Variants in RFX4 observed in about 807,000 individuals in gnomAD.
RFX4 encodes transcription factor RFX4.
RFX4 carries 10 observed loss-of-function variants against 95.0 expected under a neutral mutation model. The ratio of observed to expected loss-of-function variants is 0.11; its 90% confidence interval spans 0.06 to 0.18. RFX4 has a LOEUF of 0.18. RFX4 is among the 10% of genes least tolerant of loss of function. The probability of loss-of-function intolerance (pLI) is 1.00; values close to 1 mark genes in which losing one functional copy is unlikely to be tolerated. For synonymous variants in RFX4, 321 were observed against 340.7 expected, an observed-to-expected ratio of 0.94 and a Z score of 0.64; for missense variants, 640 against 922.0, an observed-to-expected ratio of 0.69 and a Z score of 3.96.
intron 13 of RFX4, among the ~76,000 whole-genome samples, chr12:106,724,475 A>T (rs909639303): frequency 1.3e-5 from 2 of 152,248 alleles, no homozygotes; most frequent in Non-Finnish European, 1.5e-5. Flanking sequence ...TGATGGTATT[A>T]ATATTTTTAA....
chr12:106,641,634 G>A (rs569759985), intron 3 of RFX4, among the ~76,000 whole-genome samples: 1 of 152,070 alleles, frequency 6.6e-6, no homozygotes, highest in Admixed American at 6.5e-5. Flanking sequence ...AAGTCACAAG[G>A]TCAGACAGTG....
chr12:106,616,809 G>A (rs2137225710), intron 2 of RFX4, among the ~76,000 whole-genome samples: 1 of 152,264 alleles, frequency 6.6e-6, no homozygotes, highest in Non-Finnish European at 1.5e-5. Context: ...CTCCCAGGCT[G>A]GAGTGCAGTG....
chr12:106,686,268 G>C (rs528739471), intron 5 of RFX4, among the ~76,000 whole-genome samples: 104 of 152,170 alleles, frequency 6.8e-4, no homozygotes, highest in Non-Finnish European at 9.3e-4. Context: ...AATGTTAGCT[G>C]GGTGTGGTGG....
At chr12:106,597,265 G>A (rs1175137969) in intron 1 of RFX4, among the ~76,000 whole-genome samples, 3 of 151,910 alleles carry the variant, frequency 2.0e-5, no homozygotes, top group Admixed American at 6.6e-5. Flanking sequence ...TTAATAGGAA[G>A]GAAATTGAGG....
At chr12:106,683,475 A>AC (rs1295510239) in intron 5 of RFX4, 3 of 146,448 alleles carry the variant, frequency 2.0e-5, no homozygotes, top group African/African-American at 7.4e-5. Flanking sequence ...TGAAAAAAAA[A>AC]AAAAAAAAAA....
chr12:106,616,417 C>T (rs1250872694), intron 2 of RFX4, among the ~76,000 whole-genome samples: 1 of 151,866 alleles, frequency 6.6e-6, no homozygotes, highest in Non-Finnish European at 1.5e-5. Flanking sequence ...AGATTTGTGG[C>T]CTATGATATT....
chr12:106,660,309 C>T (rs958932430), intron 4 of RFX4, among the ~76,000 whole-genome samples: 3 of 151,900 alleles, frequency 2.0e-5, no homozygotes, highest in Non-Finnish European at 4.4e-5. Flanking sequence ...GATGCTTCCT[C>T]CTTGTAGGGG....
rs1475584458 is a variant in RFX4, at chr12:106,762,488, T to C, written c.*1019T>C. On this transcript the variant is annotated 3_prime_UTR_variant, in exon 18 of 18. Coordinates refer to ENST00000392842, the MANE Select transcript of RFX4 (RefSeq NM_213594.3). ...TGTATGTGTGGAAATAAAAATGTATTGTACTTTTGGAGAATTTTTTGTAGG... is the reference window on the plus strand; with the variant it reads ...TGTATGTGTGGAAATAAAAATGTATCGTACTTTTGGAGAATTTTTTGTAGG... 2 of 152,546 alleles carry C rather than the reference T, an allele frequency of 1.3e-5. No individual in the cohort carries two copies. Among genetic ancestry groups the C allele is most frequent in the African/African-American group, 2.4e-5 (1 of 41,440 alleles). 9.4% of individuals were successfully genotyped at this position (152,546 alleles called of 1,614,324 possible). A position where few individuals can be genotyped will look rare whatever the true frequency, so the allele number is the denominator to read the frequency against.
chr12:106,715,248 T>G (rs538640089), intron 10 of RFX4, 152 bp from the exon 11 acceptor site: 4 of 783,462 alleles, frequency 5.1e-6, no homozygotes, highest in Non-Finnish European at 7.9e-6. Context: ...AGTTACAGAG[T>G]CTTCTGGTGC....
At chr12:106,589,643 G>C (rs1171172845) in intron 1 of RFX4, among the ~76,000 whole-genome samples, 1 of 152,120 alleles carries the variant, frequency 6.6e-6, no homozygotes. Context: ...TCCCCACCCA[G>C]GCCACATCAC....
At chr12:106,667,975 G>C (rs1260301443) in intron 4 of RFX4, among the ~76,000 whole-genome samples, 1 of 152,190 alleles carries the variant, frequency 6.6e-6, no homozygotes, top group Non-Finnish European at 1.5e-5. Flanking sequence ...GTCGATCCTA[G>C]GTGGAAACCA....
At chr12:106,737,873 G>T (rs1301837786) in intron 15 of RFX4, among the ~76,000 whole-genome samples, 1 of 152,188 alleles carries the variant, frequency 6.6e-6, no homozygotes, top group Admixed American at 6.5e-5. Flanking sequence ...GCCTCAAACT[G>T]TATTTTGTTT....
Position 106,761,603 on chromosome 12 carries a change from T to A in RFX4, c.*134T>A. 1.8e-6 allele frequency: 1 copy of A among 553,936 alleles called. No homozygotes were observed. The highest frequency in any genetic ancestry group is 2.5e-6 in the Non-Finnish European group (1 of 394,610). The allele number at this position is 553,936 out of a possible 1,614,324, so 34.3% of individuals were successfully genotyped here. ...GGCTATTCCTAAGTGCCCATTTTCC[T>A]AATGAACATGAGGATGGGATCAATG... On this transcript the variant is annotated 3_prime_UTR_variant, in exon 18 of 18. Transcript: ENST00000392842.
At chr12:106,659,263 T>G (rs941703412) in intron 4 of RFX4, among the ~76,000 whole-genome samples, 8 of 152,146 alleles carry the variant, frequency 5.3e-5, no homozygotes, top group Non-Finnish European at 1.2e-4. Flanking sequence ...GGACCCACAG[T>G]GAGGAAGGGA....
At position 106,627,013 on chromosome 12, in the gene RFX4, G is replaced by A. The variant is rs1191937483; in HGVS notation, c.131-12319G>A. Among the ~76,000 whole-genome samples, 3 of 152,286 alleles carry A rather than the reference G, an allele frequency of 2.0e-5. No homozygotes were observed. In the East Asian group the frequency reaches 5.8e-4, roughly 29 times the overall value. ...TTCCTCTCCTGAGACAGTCCATGCTGTGTCCCGTTCCCTCTGCCCTTTCAC... is the reference window on the plus strand; with the variant it reads ...TTCCTCTCCTGAGACAGTCCATGCTATGTCCCGTTCCCTCTGCCCTTTCAC... On this transcript the variant is annotated intron_variant, in intron 2 of 17. Coordinates refer to ENST00000392842, the MANE Select transcript of RFX4 (RefSeq NM_213594.3).
At chr12:106,637,684 AAGAGACTGATTATATGTATTTC>A (rs1234849504) in intron 2 of RFX4, among the ~76,000 whole-genome samples, 4 of 152,174 alleles carry the variant, frequency 2.6e-5, no homozygotes, top group African/African-American at 9.7e-5. Context: ...GGAATTGGAT[AAGAGACTGATTATATGTATTTC>A]TCAGTAAATC....
intron 13 of RFX4, among the ~76,000 whole-genome samples, chr12:106,727,244 T>C: frequency 6.6e-6 from 1 of 152,326 alleles, no homozygotes; most frequent in Non-Finnish European, 1.5e-5. Flanking sequence ...ATCATCATTA[T>C]AGATACAGAG....
chr12:106,647,191 G>C (rs2040764470), intron 3 of RFX4, among the ~76,000 whole-genome samples: 1 of 152,140 alleles, frequency 6.6e-6, no homozygotes, highest in Non-Finnish European at 1.5e-5. Context: ...ACAGTGCCTG[G>C]CATATAGTAG....
intron 2 of RFX4, among the ~76,000 whole-genome samples, chr12:106,631,587 C>G (rs1239501933): frequency 6.6e-6 from 1 of 152,186 alleles, no homozygotes; most frequent in Admixed American, 6.5e-5. Flanking sequence ...CTCCCTCACC[C>G]CTTCTGCCAT....
Sources: gnomAD v4.1 joint callset for allele counts (sites outside exome capture counted in the v4.1 genomes callset) on GRCh38, gnomAD v4.1.1 for gene constraint, MANE v1.5 for transcripts, NCBI Gene and HGNC (gene_info 2026-07-23, HGNC 2026-07-21) for gene names.